ADAM10: variants seen among roughly 807,000 people sequenced by gnomAD.
ADAM10 encodes the protein disintegrin and metalloproteinase domain-containing protein 10.
In ADAM10, 17 loss-of-function variants were observed where a neutral mutation model predicts 90.1. The observed-to-expected ratio is 0.19, with a 90% CI of 0.13 to 0.28. The LOEUF is 0.28. ADAM10 is among the 10% of genes least tolerant of loss of function. The pLI is 1.00. For missense variants in ADAM10, 610 were observed against 914.3 expected, an observed-to-expected ratio of 0.67 and a Z score of 4.29; for synonymous variants, 310 against 298.6, an observed-to-expected ratio of 1.04 and a Z score of -0.40.
intron 5 of ADAM10, among the ~76,000 whole-genome samples, chr15:58,648,508 T>C (rs1596026949): frequency 6.6e-6 from 1 of 152,124 alleles, no homozygotes; most frequent in Non-Finnish European, 1.5e-5. Context: ...GAAAAAAAAC[T>C]GGATGCTTTA....
chr15:58,631,269 A>G (rs574032524), intron 9 of ADAM10, among the ~76,000 whole-genome samples: 76 of 152,180 alleles, frequency 5.0e-4, no homozygotes, highest in African/African-American at 1.7e-3. Flanking sequence ...TAACAACACA[A>G]AACAGATGAA....
chr15:58,690,207 C>T (rs1421945941), intron 2 of ADAM10, among the ~76,000 whole-genome samples: 1 of 152,074 alleles, frequency 6.6e-6, no homozygotes, highest in African/African-American at 2.4e-5. Flanking sequence ...TGATAAAATT[C>T]TCAGCAAACT....
At chr15:58,731,567 G>C (rs1394784403) in intron 1 of ADAM10, among the ~76,000 whole-genome samples, 1 of 152,152 alleles carries the variant, frequency 6.6e-6, no homozygotes, top group African/African-American at 2.4e-5. Flanking sequence ...AGTCGAGGCT[G>C]GGGTTAGCCG....
chr15:58,612,806 G>C (rs763827145), intron 11 of ADAM10, among the ~76,000 whole-genome samples: 3 of 152,198 alleles, frequency 2.0e-5, no homozygotes, highest in Non-Finnish European at 4.4e-5. Flanking sequence ...CTGGCCCGCT[G>C]GGCCCAAGGT....
intron 7 of ADAM10, among the ~76,000 whole-genome samples, chr15:58,643,621 TAATC>T (rs1464586427): frequency 1.3e-5 from 2 of 152,212 alleles, no homozygotes; most frequent in Non-Finnish European, 2.9e-5. Context: ...AATAATATGT[TAATC>T]AGACAGACTG....
intron 2 of ADAM10, among the ~76,000 whole-genome samples, chr15:58,714,082 G>C (rs1257493944): frequency 6.6e-6 from 1 of 152,046 alleles, no homozygotes. Flanking sequence ...GGGATTCCAG[G>C]CATGAGCCAC....
intron 1 of ADAM10, among the ~76,000 whole-genome samples, chr15:58,729,523 C>T (rs1899154009): frequency 6.6e-6 from 1 of 152,166 alleles, no homozygotes; most frequent in African/African-American, 2.4e-5. Flanking sequence ...GATCTGTATG[C>T]ACATTCAAGT....
intron 2 of ADAM10, among the ~76,000 whole-genome samples, chr15:58,696,644 T>C (rs1173757811): frequency 6.6e-6 from 1 of 152,058 alleles, no homozygotes. Flanking sequence ...TTTTGTACTT[T>C]TGTACAGATG....
At chr15:58,695,993 G>T (rs539312921) in intron 2 of ADAM10, among the ~76,000 whole-genome samples, 3 of 152,116 alleles carry the variant, frequency 2.0e-5, no homozygotes, top group South Asian at 2.1e-4. Flanking sequence ...ATACATGCCT[G>T]TAATCCCAGC....
chr15:58,609,376 C>T (rs1055439519), intron 14 of ADAM10: 5 of 152,028 alleles, frequency 3.3e-5, no homozygotes, highest in East Asian at 1.9e-4. Context: ...GTCCTAGGAA[C>T]GGTAAACATC....
chr15:58,604,613 ATAAC>A (rs1223982817), intron 14 of ADAM10, among the ~76,000 whole-genome samples: 2 of 152,256 alleles, frequency 1.3e-5, no homozygotes, highest in East Asian at 1.9e-4. Context: ...ACCTTGAAAC[ATAAC>A]TAACAGCTCA....
chr15:58,599,429 T>C (rs1390684873), intron 15 of ADAM10, among the ~76,000 whole-genome samples, 169 bp downstream of exon 15: 2 of 152,144 alleles, frequency 1.3e-5, no homozygotes, highest in South Asian at 2.1e-4. Context: ...ACTGGCCAGA[T>C]TGGATTGACA....
intron 1 of ADAM10, among the ~76,000 whole-genome samples, chr15:58,746,420 A>G (rs1228220526): frequency 2.6e-5 from 4 of 152,216 alleles, no homozygotes; most frequent in Non-Finnish European, 5.9e-5. Context: ...GAGGCTGTAC[A>G]CATACACACA....
At chr15:58,747,926 AAC>A (rs1285501014) in intron 1 of ADAM10, 1 of 152,234 alleles carries the variant, frequency 6.6e-6, no homozygotes, top group Non-Finnish European at 1.5e-5. Flanking sequence ...CCTTATAGAG[AAC>A]AGTGTCTTAA....
intron 2 of ADAM10, among the ~76,000 whole-genome samples, chr15:58,708,062 G>C (rs1255484582): frequency 2.0e-5 from 3 of 152,026 alleles, no homozygotes; most frequent in Non-Finnish European, 2.9e-5. Context: ...GGGCAACAGA[G>C]CGAGACTCGG....
intron 11 of ADAM10, among the ~76,000 whole-genome samples, chr15:58,620,660 A>ATTTTTTTTTTTTTTTT (rs570842513): frequency 6.7e-5 from 4 of 59,442 alleles, no homozygotes; most frequent in Non-Finnish European, 9.4e-5. Context: ...AAGAATATGT[A>ATTTTTTTTTTTTTTTT]TTTTTTTTTT....
At chr15:58,623,644 T>C (rs568562859) in intron 10 of ADAM10, among the ~76,000 whole-genome samples, 1 of 152,192 alleles carries the variant, frequency 6.6e-6, no homozygotes, top group South Asian at 2.1e-4. Flanking sequence ...TAAAAAGGAA[T>C]GAGATCACGT....
chr15:58,628,013 A>C, intron 9 of ADAM10, 130 bp from the exon 10 acceptor site: 1 of 932,862 alleles, frequency 1.1e-6, no homozygotes. Flanking sequence ...AGGATCTTAC[A>C]ATTGTTTTAC....
At chr15:58,658,415 T>C (rs1363030238) in intron 5 of ADAM10, among the ~76,000 whole-genome samples, 2 of 152,222 alleles carry the variant, frequency 1.3e-5, no homozygotes, top group Non-Finnish European at 2.9e-5. Flanking sequence ...TACTAAGTCT[T>C]AAAAACCAAA....
Sources: gnomAD v4.1 joint callset for allele counts (sites outside exome capture counted in the v4.1 genomes callset) on GRCh38, gnomAD v4.1.1 for gene constraint, MANE v1.5 for transcripts, NCBI Gene and HGNC (gene_info 2026-07-23, HGNC 2026-07-21) for gene names.